Variants in TECPR1 observed in about 807,000 individuals in gnomAD.
The protein encoded by TECPR1 is tectonin beta-propeller repeat containing 1.
TECPR1 carries 122 observed loss-of-function variants against 162.4 expected under a neutral mutation model. The ratio of observed to expected loss-of-function variants is 0.75; its 90% CI spans 0.65 to 0.87. The LOEUF (loss-of-function observed/expected upper bound fraction) is 0.87. TECPR1 is among the 40% of genes least tolerant of loss of function. The pLI is 0.00. For synonymous variants in TECPR1, 642 were observed against 670.6 expected, an observed-to-expected ratio of 0.96 and a Z score of 0.66; for missense variants, 1,432 against 1,618.2, an observed-to-expected ratio of 0.88 and a Z score of 1.97.
rs1414238385 is a variant in TECPR1 at position 98,240,844 on chromosome 7, A to G, written c.933+7T>C. The G allele has an allele frequency of 1.9e-6, 3 of 1,593,094 alleles. No individual in the cohort carries two copies. The African/African-American group carries it at 4.0e-5, about 22-fold the overall frequency. ...CAAGTGATCCCCCAGCCTCATCCCC[A>G]TCTTACCTTCCAGTCCTTGGTGACA... is the stretch of plus-strand genomic sequence containing the variant. On this transcript the variant is annotated splice_region_variant and intron_variant, in intron 8 of 25. Transcript: ENST00000447648.
Position 98,245,977 on chromosome 7 carries a change from T to C in TECPR1, c.170A>G (p.Tyr57Cys). ...GIACDNQVYV[Y>C]VCASDVPIRR... is the part of the protein sequence containing the mutation. ...GATGGGGACATCGCTGGCACACACA[T>C]ACACGTAGACCTGGTTGTCACAGGC... Residue 57 changes from tyrosine to cysteine, a missense_variant, in exon 3 of 26, where the codon TAT (tyrosine) becomes TGT (cysteine). By Grantham distance (194) the Tyr-to-Cys change is radical. Transcript: ENST00000447648. The C allele has an allele frequency of 3.7e-6, 6 of 1,607,050 alleles. No homozygotes were observed. The highest frequency in any genetic ancestry group is 5.1e-6 in the Non-Finnish European group (6 of 1,177,440).
In TECPR1 at chr7:98,236,921, C is replaced by T; in HGVS notation, c.1036G>A (p.Val346Met). 6.4e-7 allele frequency: 1 copy of T among 1,550,634 alleles called. No individual in the cohort carries two copies. The highest frequency in any genetic ancestry group is 8.7e-7 in the Non-Finnish European group (1 of 1,146,814). Residue 346 changes from valine (V) to methionine (M), a missense_variant and splice_region_variant, in exon 10 of 26, where the codon GTG (valine) becomes ATG (methionine). By Grantham distance (21) the Val-to-Met change is conservative. Coordinates refer to ENST00000447648, the MANE Select transcript of TECPR1 (RefSeq NM_015395.3). ...CGGTCCTCACAGCCAATGCCCCACA[C>T]CTGGAAGAGAGAGGCTGTGTTCCGA... ...TMVNVGMNDQVWGIGCEDRAV... is the reference protein window; with the variant it reads ...TMVNVGMNDQMWGIGCEDRAV...
In TECPR1 at chr7:98,252,127, T is replaced by G. The variant is rs1799078932; in HGVS notation, c.-176A>C. 6.6e-6 allele frequency: 1 copy of G among 152,506 alleles called. No homozygotes were observed. The highest frequency in any genetic ancestry group is 2.4e-5 in the African/African-American group (1 of 41,462). The allele number at this position is 152,506 out of a possible 1,614,324, so 9.4% of individuals were successfully genotyped here. A position where few individuals can be genotyped will look rare whatever the true frequency, so the allele number is the denominator to read the frequency against. On this transcript the variant is annotated splice_region_variant and 5_prime_UTR_variant, in exon 1 of 26. Coordinates refer to ENST00000447648, the MANE Select transcript of TECPR1 (RefSeq NM_015395.3). Reference sequence around the variant, plus strand: ...GCTGGGGCGCCACTCTGCACTCACCTGGGCCCGCGCCGGGCGGGGCGAAGT... The same window carrying G: ...GCTGGGGCGCCACTCTGCACTCACCGGGGCCCGCGCCGGGCGGGGCGAAGT...
rs563830773 is a variant in TECPR1, at chr7:98,231,879, C to T, written c.1899G>A (p.Leu633=). The T allele has an allele frequency of 6.2e-7, 1 of 1,612,468 alleles. No individual in the cohort carries two copies. The highest frequency in any genetic ancestry group is 1.3e-5 in the African/African-American group (1 of 75,034). Residue 633 remains leucine (L), a synonymous_variant, in exon 13 of 26, where the codon CTG becomes CTA. Coordinates refer to ENST00000447648, the MANE Select transcript of TECPR1 (RefSeq NM_015395.3). ...PHKWVDVRLA[L]EQFTGHDGVR... The stretch of plus-strand genomic sequence containing the variant: ...CGCCGTCGTGCCCCGTGAACTGCTC[C>T]AGGGCCAAGCGCACGTCCACCCACT...
chr7:98,215,743 T>TGTAAACAG lies in TECPR1; in HGVS notation c.*1639_*1646dup, dbSNP rs1459695230. ...GCCCAGAGAAAACCTGATAGTGAAA[T>TGTAAACAG]GTAAACAGACAGGACAGGGTGGTTC... On this transcript the variant is annotated 3_prime_UTR_variant, in exon 26 of 26. Transcript: ENST00000447648. 1.3e-5 allele frequency: 2 copies of TGTAAACAG among 152,246 alleles called. No homozygotes were observed. Among genetic ancestry groups the TGTAAACAG allele is most frequent in the African/African-American group, 4.8e-5 (2 of 41,436 alleles). The allele number at this position is 152,246 out of a possible 1,614,324, so 9.4% of individuals were successfully genotyped here.
chr7:98,246,195 A>G (rs1480473070), intron 2 of TECPR1, 30 bp from the exon 3 acceptor site: 1 of 1,451,320 alleles, frequency 6.9e-7, no homozygotes, highest in Non-Finnish European at 9.4e-7. Flanking sequence ...GCCAGCGTTC[A>G]GGCTCCCAGC....
At chr7:98,223,323 C>A (rs1285913394) in intron 20 of TECPR1, among the ~76,000 whole-genome samples, 153 bp from the exon 21 acceptor site, 19 of 144,972 alleles carry the variant, frequency 1.3e-4, no homozygotes, top group Admixed American at 4.1e-4. Flanking sequence ...CCCCCACCCC[C>A]ATCCAGGCCC....
chr7:98,233,103 C>T (rs2116579258), intron 11 of TECPR1, 131 bp from the exon 12 acceptor site: 18 of 1,150,328 alleles, frequency 1.6e-5, no homozygotes, highest in Non-Finnish European at 2.1e-5. Flanking sequence ...AGCCTCCTTC[C>T]ACCCTTTGCC....
intron 8 of TECPR1, 21 bp downstream of exon 8, chr7:98,240,830 C>T (rs1470795518): frequency 1.3e-6 from 2 of 1,576,284 alleles, no homozygotes; most frequent in Non-Finnish European, 1.7e-6. Context: ...AAGTGATCCC[C>T]CAGCCTCATC....
chr7:98,240,612 A>C (rs1798718709), intron 8 of TECPR1, among the ~76,000 whole-genome samples: 1 of 152,070 alleles, frequency 6.6e-6, no homozygotes, highest in Non-Finnish European at 1.5e-5. Context: ...ACAAGGTTTC[A>C]CCATGTTGGC....
rs1318424975 is a variant in TECPR1 at position 98,217,494 on chromosome 7, C to T, written c.3394G>A (p.Asp1132Asn). The change falls in exon 26 of 26, where the codon GAC becomes AAC. Residue 1132 changes from aspartate to asparagine, a missense_variant. Transcript: ENST00000447648. Reference protein sequence around the residue: ...GWDYGIGGGWDHISVRANATR... With the variant: ...GWDYGIGGGWNHISVRANATR... ...GCATTGGCCCGGACAGAGATATGGTCCCAGCCTCCCTGGAAGGAGAGAGCT... is the reference window on the plus strand; with the variant it reads ...GCATTGGCCCGGACAGAGATATGGTTCCAGCCTCCCTGGAAGGAGAGAGCT... 1 of 1,605,920 alleles carries T rather than the reference C, an allele frequency of 6.2e-7. No homozygotes were observed. Among genetic ancestry groups the T allele is most frequent in the Non-Finnish European group, 8.5e-7 (1 of 1,176,956 alleles).
Position 98,223,671 on chromosome 7 carries a change from C to A in TECPR1, c.2738G>T (p.Cys913Phe). Residue 913 changes from cysteine to phenylalanine, a missense_variant, in exon 20 of 26, where the codon TGC (cysteine) becomes TTC (phenylalanine). By Grantham distance (205) the Cys-to-Phe change is radical. Coordinates refer to ENST00000447648, the MANE Select transcript of TECPR1 (RefSeq NM_015395.3). ...TGCAGCCCTGCCTCACCTGGCCCAG[C>A]ACCTCCTCCTCACAAAATCCTTCAT... is the stretch of plus-strand genomic sequence containing the variant. ...KTMKDFVRRR[C>F]WARKCKLVTS... is the part of the protein sequence containing the mutation. 1.2e-6 allele frequency: 2 copies of A among 1,613,772 alleles called. No individual in the cohort carries two copies. Among genetic ancestry groups the A allele is most frequent in the South Asian group, 1.1e-5 (1 of 91,074 alleles).
At chr7:98,248,389 A>G (rs1297362778) in intron 2 of TECPR1, among the ~76,000 whole-genome samples, 4 of 152,094 alleles carry the variant, frequency 2.6e-5, no homozygotes, top group African/African-American at 9.7e-5. Context: ...AAAAGGAGAC[A>G]GGCAGAGTTT....
chr7:98,238,501 G>T lies in TECPR1; in HGVS notation c.1035+8C>A. 1.3e-6 allele frequency: 2 copies of T among 1,555,814 alleles called. No individual in the cohort carries two copies. The highest frequency in any genetic ancestry group is 2.4e-5 in the South Asian group (2 of 84,264). The stretch of plus-strand genomic sequence containing the variant: ...TGCTGTTTAGGGGCTGCAGACCCAC[G>T]TGCACACCTGGTCGTTCATTCCCAC... On this transcript the variant is annotated splice_region_variant and intron_variant, in intron 9 of 25. Coordinates refer to ENST00000447648, the MANE Select transcript of TECPR1 (RefSeq NM_015395.3).
intron 2 of TECPR1, among the ~76,000 whole-genome samples, chr7:98,247,747 G>T (rs1798949745): frequency 6.6e-6 from 1 of 151,832 alleles, no homozygotes; most frequent in Admixed American, 6.6e-5. Flanking sequence ...TTTTAAGAGA[G>T]TATCTTGCTC....
At chr7:98,235,104 A>G (rs192983336) in intron 10 of TECPR1, among the ~76,000 whole-genome samples, 2 of 152,270 alleles carry the variant, frequency 1.3e-5, no homozygotes, top group Non-Finnish European at 2.9e-5. Flanking sequence ...ATTTATCTGT[A>G]TTTCCTCATT....
chr7:98,218,647 T>C, intron 23 of TECPR1, among the ~76,000 whole-genome samples: 1 of 152,164 alleles, frequency 6.6e-6, no homozygotes, highest in South Asian at 2.1e-4. Flanking sequence ...TACCTGGGAA[T>C]GTACTTAACC....
intron 17 of TECPR1, 52 bp from the exon 18 acceptor site, chr7:98,225,154 C>T (rs1218172369): frequency 6.7e-7 from 1 of 1,483,528 alleles, no homozygotes; most frequent in Admixed American, 2.0e-5. Context: ...AATGAACTGG[C>T]TCACTCAGAC....
At chr7:98,244,782 C>T (rs903592) in intron 4 of TECPR1, 89 bp from the exon 5 acceptor site, 406,899 of 1,578,932 alleles carry the variant, frequency 0.26, 56,202 homozygotes, top group East Asian at 0.47. Context: ...TGGCCTGAAA[C>T]ACCCGAGCTC....
Sources: gnomAD v4.1 joint callset for allele counts (sites outside exome capture counted in the v4.1 genomes callset) on GRCh38, gnomAD v4.1.1 for gene constraint, MANE v1.5 for transcripts, NCBI Gene and HGNC (gene_info 2026-07-23, HGNC 2026-07-21) for gene names.